Variants in SRPK2 observed in about 807,000 individuals in gnomAD.
SRPK2 encodes the protein SFRS protein kinase 2.
In SRPK2, 21 loss-of-function variants were observed where a neutral mutation model predicts 90.8. The observed-to-expected ratio is 0.23, with a 90% CI of 0.16 to 0.33. The LOEUF is 0.33. Ranked by LOEUF, SRPK2 falls within the 10% of genes least tolerant of loss-of-function variation. The pLI is 1.00. For synonymous variants in SRPK2, 288 were observed against 311.1 expected, an observed-to-expected ratio of 0.93 and a Z score of 0.78; for missense variants, 620 against 869.0, an observed-to-expected ratio of 0.71 and a Z score of 3.60.
chr7:105,120,694 T>G (rs1400822157), intron 15 of SRPK2, among the ~76,000 whole-genome samples: 1 of 151,274 alleles, frequency 6.6e-6, no homozygotes, highest in Non-Finnish European at 1.5e-5. Flanking sequence ...GTGGAAAAAG[T>G]TTATAATATA....
chr7:105,160,659 A>C, intron 6 of SRPK2, 46 bp from the exon 7 acceptor site: 2 of 1,148,650 alleles, frequency 1.7e-6, no homozygotes, highest in Non-Finnish European at 2.6e-6. Context: ...GCCTGGAGTG[A>C]GGCAGTTATT....
intron 2 of SRPK2, among the ~76,000 whole-genome samples, chr7:105,213,920 T>C (rs1797151551): frequency 6.6e-6 from 1 of 152,224 alleles, no homozygotes; most frequent in Admixed American, 6.5e-5. Context: ...ACACAACTAC[T>C]AATATATAAT....
At chr7:105,167,899 C>T in intron 5 of SRPK2, 109 bp downstream of exon 5, 2 of 914,480 alleles carry the variant, frequency 2.2e-6, no homozygotes, top group Non-Finnish European at 3.3e-6. Flanking sequence ...GCATGAGCCA[C>T]CGTGCCCAGC....
chr7:105,233,091 AGAAGGAAGGAAGGAAGGAAGGAAGGAAG>A (rs60327841), intron 2 of SRPK2, among the ~76,000 whole-genome samples: 392 of 91,902 alleles, frequency 4.3e-3, no homozygotes, highest in Middle Eastern at 5.7e-3. Context: ...AAGGAAGGAA[AGAAGGAAGGAAGGAAGGAAGGAAGGAAG>A]GAAGGAAGGA....
intron 2 of SRPK2, chr7:105,204,681 G>A: frequency 4.1e-6 from 4 of 972,886 alleles, no homozygotes; most frequent in Non-Finnish European, 6.1e-6. Flanking sequence ...TTCTGCAACG[G>A]CAGCCCTCAG....
intron 15 of SRPK2, among the ~76,000 whole-genome samples, chr7:105,125,557 AAGAG>A (rs1457378998): frequency 1.3e-5 from 2 of 152,212 alleles, no homozygotes; most frequent in African/African-American, 4.8e-5. Flanking sequence ...CTTGGAGTAA[AAGAG>A]AGAAGCGGAG....
At chr7:105,160,271 CA>C (rs763590604) in intron 7 of SRPK2, 2 of 305,688 alleles carry the variant, frequency 6.5e-6, no homozygotes, top group Non-Finnish European at 1.2e-5. Context: ...AAACGACAGG[CA>C]AAAAACGTAT....
At position 105,353,422 on chromosome 7, in the gene SRPK2, C is replaced by G. The variant is rs192243237; in HGVS notation, c.71+35226G>C. Among the ~76,000 whole-genome samples, 12 of 152,236 alleles carry G rather than the reference C, an allele frequency of 7.9e-5. No homozygotes were observed. In the East Asian group the frequency reaches 2.1e-3, roughly 27 times the overall value. ...TGGTGCAATCATGGCTCACTGCAGCCTTGACCTCCTGGGCTCAAGCAATCC... is the reference window on the plus strand; with the variant it reads ...TGGTGCAATCATGGCTCACTGCAGCGTTGACCTCCTGGGCTCAAGCAATCC... On this transcript the variant is annotated intron_variant, in intron 2 of 15. Transcript: ENST00000393651.
At chr7:105,389,422 G>T (rs1822077988), upstream of SRPK2, 3 of 1,208,466 alleles carry the variant, frequency 2.5e-6, no homozygotes, top group Middle Eastern at 4.5e-4. Flanking sequence ...ACGACCAAAA[G>T]CTGGGAAACC....
chr7:105,387,766 C>A (rs1392912855), intron 2 of SRPK2, among the ~76,000 whole-genome samples: 4 of 152,134 alleles, frequency 2.6e-5, no homozygotes, highest in Non-Finnish European at 5.9e-5. Flanking sequence ...CGATGTCGAA[C>A]GCTGGTAAAT....
chr7:105,191,874 A>AAAAAAAAC (rs1187592326), intron 3 of SRPK2, among the ~76,000 whole-genome samples: 6 of 148,058 alleles, frequency 4.1e-5, no homozygotes, highest in Admixed American at 4.0e-4. Context: ...AAAAAAAAAC[A>AAAAAAAAC]AAAAAAACTT....
rs760738865 is a variant in SRPK2, at chr7:105,167,474, G to C, written c.427-10C>G. 1 of 1,610,262 alleles carries C rather than the reference G, an allele frequency of 6.2e-7. No homozygotes were observed. Among genetic ancestry groups the C allele is most frequent in the Non-Finnish European group, 8.5e-7 (1 of 1,177,066 alleles). On this transcript the variant is annotated splice_polypyrimidine_tract_variant and intron_variant, in intron 5 of 15. Coordinates refer to ENST00000393651, the MANE Select transcript of SRPK2 (RefSeq NM_182692.3). ...GATCACTTTCTCGAACCTATGCCAA[G>C]AAAAATGAATGCAAGAACACAGGAG... is the stretch of plus-strand genomic sequence containing the variant.
chr7:105,204,485 A>T (rs997460978), intron 2 of SRPK2: 1 of 349,484 alleles, frequency 2.9e-6, no homozygotes. Flanking sequence ...ACTATTCCTA[A>T]CCATGCCCCA....
At chr7:105,264,565 T>C (rs865922216) in intron 2 of SRPK2, among the ~76,000 whole-genome samples, 4 of 152,150 alleles carry the variant, frequency 2.6e-5, no homozygotes, top group African/African-American at 9.6e-5. Context: ...AATTCAGTAT[T>C]GGCTAGCTAA....
At chr7:105,293,411 T>C (rs1809331599) in intron 2 of SRPK2, among the ~76,000 whole-genome samples, 1 of 152,124 alleles carries the variant, frequency 6.6e-6, no homozygotes, top group Non-Finnish European at 1.5e-5. Context: ...TTCATCCTCA[T>C]AAAATCAGTA....
At chr7:105,390,677 T>G (rs995196946), upstream of SRPK2, among the ~76,000 whole-genome samples, 1 of 143,412 alleles carries the variant, frequency 7.0e-6, no homozygotes, top group Non-Finnish European at 1.5e-5. Flanking sequence ...GGTCTCGAAC[T>G]CCTGACCTCG....
chr7:105,122,073 T>C (rs926432466), intron 15 of SRPK2, among the ~76,000 whole-genome samples: 1 of 152,230 alleles, frequency 6.6e-6, no homozygotes, highest in South Asian at 2.1e-4. Context: ...GAATGAATTC[T>C]TACACAAGTA....
chr7:105,148,828 A>G (rs940793078), intron 7 of SRPK2, among the ~76,000 whole-genome samples: 4 of 152,238 alleles, frequency 2.6e-5, no homozygotes, highest in East Asian at 1.9e-4. Context: ...AACATGTGTT[A>G]TATGAAATCA....
At chr7:105,331,115 A>G (rs982696710) in intron 2 of SRPK2, among the ~76,000 whole-genome samples, 5 of 152,072 alleles carry the variant, frequency 3.3e-5, no homozygotes, top group Admixed American at 2.0e-4. Flanking sequence ...CAGCCTGACC[A>G]TCATGGTGAA....
Sources: allele counts gnomAD v4.1 joint callset (sites outside exome capture counted in the v4.1 genomes callset), GRCh38; gene constraint gnomAD v4.1.1; transcripts MANE v1.5; gene names NCBI Gene and HGNC (gene_info 2026-07-23, HGNC 2026-07-21).